The following ADAM33 variants were observed in gnomAD, a reference collection of about 807,000 sequenced individuals.
ADAM33 encodes the protein disintegrin and metalloproteinase domain-containing protein 33.
Under a neutral mutation model 106.2 loss-of-function variants are expected in ADAM33, and 103 were observed. That is an observed-to-expected ratio of 0.97 (90% CI 0.83 to 1.14). ADAM33 has a LOEUF of 1.14. Among genes scored for constraint, ADAM33 ranks in the 50% most tolerant of loss-of-function variants. ADAM33 has a pLI of 0.00. For missense variants in ADAM33, 1,120 were observed against 1,096.6 expected, an observed-to-expected ratio of 1.02 and a Z score of -0.30; for synonymous variants, 483 against 453.0, an observed-to-expected ratio of 1.07 and a Z score of -0.84.
At chr20:3,679,989 C>A (rs1283406589) in intron 1 of ADAM33, among the ~76,000 whole-genome samples, 1 of 152,060 alleles carries the variant, frequency 6.6e-6, no homozygotes, top group African/African-American at 2.4e-5. Flanking sequence ...ACACTTGTGC[C>A]CCCCCCATCA....
In ADAM33 at chr20:3,675,808, C is replaced by T. The variant is rs1363189450; in HGVS notation, c.255-703G>A. 6.6e-6 allele frequency among the ~76,000 whole-genome samples: 1 copy of T among 152,102 alleles called. No homozygotes were observed. The highest frequency in any genetic ancestry group is 1.5e-5 in the Non-Finnish European group (1 of 68,020). ...TCAATCTGTCTTCTTTAAAGAAAAT[C>T]CTTAACCCAACCTCACCTTGGCCTC... On this transcript the variant is annotated intron_variant, in intron 3 of 21. Coordinates refer to ENST00000356518, the MANE Select transcript of ADAM33 (RefSeq NM_025220.5). This position sits in a 1 kb window ranked among gnomAD's most constrained non-coding sequence, Gnocchi z 4.1.
chr20:3,674,860 AG>A lies in ADAM33; in HGVS notation c.334-12del. On this transcript the variant is annotated splice_polypyrimidine_tract_variant and intron_variant, in intron 4 of 21. Coordinates refer to ENST00000356518, the MANE Select transcript of ADAM33 (RefSeq NM_025220.5). ...GTAGTGGCAATGATCCTAGGGAGGA[AG>A]GGGCCAGCCCCAAATCTCAGCCAGG... The A allele has an allele frequency of 6.2e-7, 1 of 1,609,036 alleles. No individual in the cohort carries two copies. The highest frequency in any genetic ancestry group is 2.2e-5 in the East Asian group (1 of 44,808).
At chr20:3,674,339 C>G (rs924914489) in intron 6 of ADAM33, 55 bp from the exon 7 acceptor site, 8 of 1,611,496 alleles carry the variant, frequency 5.0e-6, no homozygotes, top group Non-Finnish European at 5.9e-6. Flanking sequence ...TGAGCCCTGA[C>G]CACCAATCCC....
chr20:3,681,540 A>T (rs2088494470), intron 1 of ADAM33, among the ~76,000 whole-genome samples: 1 of 151,836 alleles, frequency 6.6e-6, no homozygotes, highest in Admixed American at 6.6e-5. Flanking sequence ...GGAGCGGGTC[A>T]CACGGTGGCC....
intron 2 of ADAM33, among the ~76,000 whole-genome samples, chr20:3,677,397 C>T (rs2088069185): frequency 6.6e-6 from 1 of 152,200 alleles, no homozygotes; most frequent in Non-Finnish European, 1.5e-5. Context: ...CCAGGCACAC[C>T]AGCATCCTCC....
chr20:3,671,095 C>A lies in ADAM33; in HGVS notation c.2151G>T (p.Gly717=), dbSNP rs528557. ...LLSVLLPLLP[G]AGLAWCCYRL... ...GGTAGCAACACCAGGCCAGGCCGGC[C>A]CCTGGGAGCAGAGGCAGCAGGACGC... Residue 717 remains glycine (G), a synonymous_variant, in exon 19 of 22, where the codon GGG becomes GGT. Coordinates refer to ENST00000356518, the MANE Select transcript of ADAM33 (RefSeq NM_025220.5). 3 of 1,593,514 alleles carry A rather than the reference C, an allele frequency of 1.9e-6. No homozygotes were observed. The highest frequency in any genetic ancestry group is 1.3e-5 in the African/African-American group (1 of 74,544).
Position 3,673,434 on chromosome 20 carries a change from G to C in ADAM33, c.1053C>G (p.Leu351=). 1 of 1,577,278 alleles carries C rather than the reference G, an allele frequency of 6.3e-7. No homozygotes were observed. Among genetic ancestry groups the C allele is most frequent in the South Asian group, 1.1e-5 (1 of 87,120 alleles). ...AGCCGTCGGGGTCGTGGCTGAGGCC[G>C]AGGCTGTGGCCGATCTCATGGGCCA... ...ATMAHEIGHS[L]GLSHDPDGCC... is the part of the protein sequence containing the mutation. Residue 351 remains leucine (L), a synonymous_variant, in exon 11 of 22, where the codon CTC becomes CTG. Coordinates refer to ENST00000356518, the MANE Select transcript of ADAM33 (RefSeq NM_025220.5).
At position 3,671,758 on chromosome 20, in the gene ADAM33, C is replaced by T. The variant is rs1306214162; in HGVS notation, c.1728G>A (p.Leu576=). The T allele has an allele frequency of 1.3e-6, 2 of 1,568,730 alleles. No homozygotes were observed. Among genetic ancestry groups the T allele is most frequent in the African/African-American group, 1.4e-5 (1 of 73,660 alleles). ...CAGRDALCGK[L]QCQGGKPSLL... ...GGCTGGGCTTTCCACCCTGGCACTG[C>T]AGCTTCCCACACAGGGCATCCCTGG... The change falls in exon 16 of 22, where the codon CTG becomes CTA. Residue 576 remains leucine, a synonymous_variant. Transcript: ENST00000356518.
At chr20:3,670,950 G>C (rs2087492004) in intron 19 of ADAM33, 56 bp downstream of exon 19, 1 of 1,501,994 alleles carries the variant, frequency 6.7e-7, no homozygotes, top group South Asian at 1.3e-5. Context: ...CCCCAGCAGA[G>C]CTCTGAGGAG....
In ADAM33 at chr20:3,673,437, G is replaced by A; in HGVS notation, c.1050C>T (p.Ser350=). The change falls in exon 11 of 22, where the codon AGC becomes AGT. Residue 350 remains serine, a synonymous_variant. Coordinates refer to ENST00000356518, the MANE Select transcript of ADAM33 (RefSeq NM_025220.5). ...CGTCGGGGTCGTGGCTGAGGCCGAGGCTGTGGCCGATCTCATGGGCCATGG... is the reference window on the plus strand; with the variant it reads ...CGTCGGGGTCGTGGCTGAGGCCGAGACTGTGGCCGATCTCATGGGCCATGG... ...AATMAHEIGH[S]LGLSHDPDGC... is the part of the protein sequence containing the mutation. 6.3e-7 allele frequency: 1 copy of A among 1,577,276 alleles called. No homozygotes were observed. Among genetic ancestry groups the A allele is most frequent in the Non-Finnish European group, 8.6e-7 (1 of 1,167,864 alleles).
chr20:3,676,913 C>T (rs2088015852), intron 3 of ADAM33, 154 bp downstream of exon 3: 1 of 786,056 alleles, frequency 1.3e-6, no homozygotes, highest in African/African-American at 1.8e-5. Context: ...TCTTCAGCCT[C>T]CAGGGAGCCA....
intron 2 of ADAM33, among the ~76,000 whole-genome samples, chr20:3,678,747 A>T (rs1019372099): frequency 6.6e-6 from 1 of 152,178 alleles, no homozygotes; most frequent in Non-Finnish European, 1.5e-5. Flanking sequence ...CAGCCTAAAG[A>T]GCTGTGTGAC....
intron 11 of ADAM33, 57 bp downstream of exon 11, chr20:3,673,297 G>C (rs748750431): frequency 2.3e-4 from 352 of 1,534,722 alleles, no homozygotes; most frequent in Non-Finnish European, 2.9e-4. Flanking sequence ...GAAACGCAGC[G>C]GAGGAAGTCC....
At position 3,673,323 on chromosome 20, in the gene ADAM33, C is replaced by T. The variant is rs770592772; in HGVS notation, c.1133+31G>A. On this transcript the variant is annotated intron_variant, in intron 11 of 21. Coordinates refer to ENST00000356518, the MANE Select transcript of ADAM33 (RefSeq NM_025220.5). ...GAGGAAGTCCCCAGGACTAGCCGCC[C>T]CGCCGCAGCCCCGACCCCCCACCCG... 2.6e-6 allele frequency: 4 copies of T among 1,536,252 alleles called. No homozygotes were observed. The South Asian group carries it at 3.6e-5, about 14-fold the overall frequency.
At position 3,675,421 on chromosome 20, in the gene ADAM33, C is replaced by T. The variant is rs1226517616; in HGVS notation, c.255-316G>A. On this transcript the variant is annotated intron_variant, in intron 3 of 21. Transcript: ENST00000356518. The surrounding 1 kb of genome is among the most constrained non-coding windows in gnomAD (Gnocchi z 4.1). ...GACCTGCAGCAGGCAGCAGGATCCACAGGATCGGGAGGGGAGGAGTCAGGA... is the reference window on the plus strand; with the variant it reads ...GACCTGCAGCAGGCAGCAGGATCCATAGGATCGGGAGGGGAGGAGTCAGGA... Among the ~76,000 whole-genome samples the T allele has an allele frequency of 6.6e-6, 1 of 152,068 alleles. No homozygotes were observed. Among genetic ancestry groups the T allele is most frequent in the Non-Finnish European group, 1.5e-5 (1 of 68,014 alleles).
intron 1 of ADAM33, among the ~76,000 whole-genome samples, chr20:3,680,914 A>C (rs1350265841): frequency 6.6e-6 from 1 of 152,096 alleles, no homozygotes; most frequent in Non-Finnish European, 1.5e-5. Flanking sequence ...ATGGGGGTGG[A>C]ACCCGAGGGA....
chr20:3,670,922 C>T, intron 19 of ADAM33, 84 bp downstream of exon 19: 1 of 1,451,682 alleles, frequency 6.9e-7, no homozygotes, highest in Admixed American at 2.5e-5. Context: ...GGCTGAGGGC[C>T]TGCCCCAGCT....
At chr20:3,672,393 G>A (rs750879408) in intron 13 of ADAM33, 64 bp from the exon 14 acceptor site, 4 of 1,585,684 alleles carry the variant, frequency 2.5e-6, no homozygotes, top group Non-Finnish European at 3.4e-6. Flanking sequence ...GGTCCATGCC[G>A]AGAGCGCGGC....
At position 3,680,383 on chromosome 20, in the gene ADAM33, C is replaced by A. The variant is rs79400185; in HGVS notation, c.98-812G>T. On this transcript the variant is annotated intron_variant, in intron 1 of 21. Transcript: ENST00000356518. ...AGCTCCCAGAACAGACAGCCTCCCCCCTCCACGCAGCCCTGGCCTCAGTCC... is the reference window on the plus strand; with the variant it reads ...AGCTCCCAGAACAGACAGCCTCCCCACTCCACGCAGCCCTGGCCTCAGTCC... 4.6e-5 allele frequency among the ~76,000 whole-genome samples: 7 copies of A among 152,212 alleles called. No homozygotes were observed. The East Asian group carries it at 7.8e-4, about 17-fold the overall frequency.
Sources: gnomAD v4.1 joint callset for allele counts (sites outside exome capture counted in the v4.1 genomes callset) on GRCh38, gnomAD v4.1.1 for gene constraint, Gnocchi (gnomAD v3.1) non-coding constraint, MANE v1.5 for transcripts, NCBI Gene and HGNC (gene_info 2026-07-23, HGNC 2026-07-21) for gene names.